DNAJC21: variants seen among roughly 807,000 people sequenced by gnomAD.
The protein encoded by DNAJC21 is dnaJ homolog subfamily C member 21.
A neutral mutation model predicts 72.4 loss-of-function variants in DNAJC21; 63 were observed. The observed-to-expected ratio is 0.87, with a 90% CI of 0.71 to 1.07. The LOEUF is 1.07. Ranked by LOEUF, DNAJC21 falls within the 50% of genes least tolerant of loss-of-function variation. The probability of loss-of-function intolerance (pLI) is 0.00; values close to 1 mark genes in which losing one functional copy is unlikely to be tolerated. For missense variants in DNAJC21, 634 were observed against 644.8 expected, an observed-to-expected ratio of 0.98 and a Z score of 0.18; for synonymous variants, 203 against 216.7, an observed-to-expected ratio of 0.94 and a Z score of 0.56.
chr5:34,941,008 TAAAA>T (rs1342151831), intron 6 of DNAJC21, 84 bp from the exon 7 acceptor site: 10 of 1,121,652 alleles, frequency 8.9e-6, no homozygotes, highest in Admixed American at 6.6e-5. Flanking sequence ...GGTAAAGAAA[TAAAA>T]AAATTTAATT....
At position 34,945,757 on chromosome 5, in the gene DNAJC21, T is replaced by C; in HGVS notation, c.1143-4T>C. 6.3e-7 allele frequency: 1 copy of C among 1,595,780 alleles called. No homozygotes were observed. The highest frequency in any genetic ancestry group is 8.5e-7 in the Non-Finnish European group (1 of 1,173,576). On this transcript the variant is annotated splice_polypyrimidine_tract_variant and splice_region_variant and intron_variant, in intron 8 of 11. Coordinates refer to ENST00000648817, the MANE Select transcript of DNAJC21 (RefSeq NM_001012339.3). ...TTGACATTTCGATTTATATTTGCTCTTAGGCTTTCTAAAAAACAGAAGAAA... is the reference window on the plus strand; with the variant it reads ...TTGACATTTCGATTTATATTTGCTCCTAGGCTTTCTAAAAAACAGAAGAAA...
chr5:34,943,036 C>G (rs1180681174), intron 7 of DNAJC21, among the ~76,000 whole-genome samples: 2 of 151,622 alleles, frequency 1.3e-5, no homozygotes, highest in African/African-American at 2.4e-5. Flanking sequence ...CCATTGCACT[C>G]CAGCCTGGGC....
intron 1 of DNAJC21, among the ~76,000 whole-genome samples, chr5:34,931,359 A>G (rs1764586816): frequency 6.6e-6 from 1 of 152,228 alleles, no homozygotes; most frequent in Non-Finnish European, 1.5e-5. Flanking sequence ...GTGTAGAAGT[A>G]TATTCTTAGA....
intron 3 of DNAJC21, 122 bp from the exon 4 acceptor site, chr5:34,936,022 C>G: frequency 6.9e-7 from 1 of 1,449,866 alleles, no homozygotes; most frequent in Non-Finnish European, 9.3e-7. Context: ...AAATGTATTG[C>G]AGGGACTGAA....
intron 11 of DNAJC21, among the ~76,000 whole-genome samples, 180 bp from the exon 12 acceptor site, chr5:34,954,373 G>A (rs1197710600): frequency 2.0e-5 from 3 of 152,168 alleles, no homozygotes; most frequent in Non-Finnish European, 4.4e-5. Flanking sequence ...TAATCGTGTT[G>A]ATTAGTGGGA....
chr5:34,935,560 T>C (rs1299309855), intron 2 of DNAJC21, 150 bp from the exon 3 acceptor site: 11 of 802,318 alleles, frequency 1.4e-5, no homozygotes, highest in Non-Finnish European at 1.7e-5. Context: ...TGAACTCTTT[T>C]CATGTTAATA....
intron 10 of DNAJC21, among the ~76,000 whole-genome samples, chr5:34,953,278 C>T (rs1280458332): frequency 6.6e-6 from 1 of 151,168 alleles, no homozygotes; most frequent in Non-Finnish European, 1.5e-5. Flanking sequence ...TTTTTTTTCC[C>T]CCTGAAACAG....
intron 6 of DNAJC21, 91 bp from the exon 7 acceptor site, chr5:34,941,005 A>G: frequency 9.1e-7 from 1 of 1,094,006 alleles, no homozygotes; most frequent in South Asian, 1.4e-5. Flanking sequence ...TTAGGTAAAG[A>G]AATAAAAAAA....
chr5:34,942,317 AC>A (rs1392719317), intron 7 of DNAJC21, among the ~76,000 whole-genome samples: 1 of 152,138 alleles, frequency 6.6e-6, no homozygotes, highest in Non-Finnish European at 1.5e-5. Context: ...TAAAACGGAT[AC>A]CATTATTATA....
chr5:34,936,357 C>T (rs933091449), intron 4 of DNAJC21, 91 bp downstream of exon 4: 10 of 1,467,340 alleles, frequency 6.8e-6, no homozygotes, highest in Non-Finnish European at 9.2e-6. Context: ...CTCACTCTGT[C>T]ACCCAGGCTG....
chr5:34,952,328 T>G (rs1245746611), intron 10 of DNAJC21: 2 of 850,666 alleles, frequency 2.4e-6, no homozygotes, highest in African/African-American at 3.7e-5. Context: ...TATGCCATTG[T>G]GTCCTTTTCT....
chr5:34,940,028 C>A (rs1764935816), intron 6 of DNAJC21, among the ~76,000 whole-genome samples: 1 of 152,116 alleles, frequency 6.6e-6, no homozygotes, highest in Non-Finnish European at 1.5e-5. Context: ...GGCCTAATTT[C>A]CATCGAGTTT....
chr5:34,950,415 A>T, intron 10 of DNAJC21, 73 bp downstream of exon 10: 1 of 1,519,146 alleles, frequency 6.6e-7, no homozygotes, highest in South Asian at 1.4e-5. Flanking sequence ...CATATATCAA[A>T]TAAAATCTTC....
intron 9 of DNAJC21, among the ~76,000 whole-genome samples, chr5:34,947,215 G>T (rs907424322): frequency 1.3e-5 from 2 of 152,096 alleles, no homozygotes; most frequent in Non-Finnish European, 2.9e-5. Flanking sequence ...AGAAAGAAAT[G>T]ACCCTGACTG....
At position 34,935,819 on chromosome 5, in the gene DNAJC21, G is replaced by A; in HGVS notation, c.301G>A (p.Gly101Arg). 3.1e-6 allele frequency: 5 copies of A among 1,613,944 alleles called. No individual in the cohort carries two copies. Among genetic ancestry groups the A allele is most frequent in the Admixed American group, 1.7e-5 (1 of 60,014 alleles). ...YFTVTCYSGY[G>R]DDEKGFYTVY... ...CACCGTTACCTGTTATTCTGGTTAT[G>A]GAGATGATGAAAAGGTAAGATAAAT... The change falls in exon 3 of 12, where the codon GGA (glycine) becomes AGA (arginine). Residue 101 changes from glycine to arginine, a missense_variant. Transcript: ENST00000648817.
intron 1 of DNAJC21, among the ~76,000 whole-genome samples, chr5:34,930,706 A>G (rs937612259): frequency 2.6e-5 from 4 of 152,224 alleles, no homozygotes; most frequent in African/African-American, 7.2e-5. Flanking sequence ...AGAGGCTTTC[A>G]TATTAGCATT....
chr5:34,950,840 G>C (rs1175806833), intron 10 of DNAJC21: 1 of 985,660 alleles, frequency 1.0e-6, no homozygotes, highest in East Asian at 1.1e-4. Context: ...GGACTAGGAG[G>C]AGGTCTCACC....
At chr5:34,951,527 T>A (rs1477116050) in intron 10 of DNAJC21, 1 of 982,658 alleles carries the variant, frequency 1.0e-6, no homozygotes, top group East Asian at 1.1e-4. Context: ...CCATGTTACT[T>A]CTTTTTTTTT....
chr5:34,932,282 G>A (rs1387788032), intron 1 of DNAJC21, among the ~76,000 whole-genome samples: 1 of 152,084 alleles, frequency 6.6e-6, no homozygotes, highest in Non-Finnish European at 1.5e-5. Flanking sequence ...TTAGCTGGGC[G>A]TGGTGGCGCA....
Sources: gnomAD v4.1 joint callset for allele counts (sites outside exome capture counted in the v4.1 genomes callset) on GRCh38, gnomAD v4.1.1 for gene constraint, MANE v1.5 for transcripts, NCBI Gene and HGNC (gene_info 2026-07-23, HGNC 2026-07-21) for gene names.